CRTAC1: variants seen among roughly 807,000 people sequenced by gnomAD.
The protein encoded by CRTAC1 is acidic secreted protein in cartilage.
CRTAC1 carries 37 observed loss-of-function variants against 67.8 expected under a neutral mutation model. That is an observed-to-expected ratio of 0.55 (90% confidence interval 0.42 to 0.72). CRTAC1 has a LOEUF of 0.72. Among genes scored for constraint, CRTAC1 ranks in the 30% least tolerant of loss-of-function variants. CRTAC1 has a pLI of 0.00. For missense variants in CRTAC1, 780 were observed against 931.6 expected, an observed-to-expected ratio of 0.84 and a Z score of 2.12; for synonymous variants, 348 against 371.0, an observed-to-expected ratio of 0.94 and a Z score of 0.71.
chr10:97,997,015 C>T (rs1283368106), intron 2 of CRTAC1, among the ~76,000 whole-genome samples: 1 of 137,376 alleles, frequency 7.3e-6, no homozygotes, highest in Non-Finnish European at 1.5e-5. Context: ...TGTTCTCACT[C>T]ATAAGTGGGA....
At chr10:97,916,573 C>T (rs2050761706) in intron 5 of CRTAC1, among the ~76,000 whole-genome samples, 1 of 152,076 alleles carries the variant, frequency 6.6e-6, no homozygotes, top group Non-Finnish European at 1.5e-5. Context: ...GGGTGGTACC[C>T]CAAAGGACCC....
chr10:97,966,840 A>G (rs183908891), intron 2 of CRTAC1, among the ~76,000 whole-genome samples: 17 of 152,174 alleles, frequency 1.1e-4, no homozygotes, highest in Non-Finnish European at 1.9e-4. Context: ...GACTGGGGTT[A>G]GTGGGTTTTT....
chr10:97,978,842 T>C (rs776955768), intron 2 of CRTAC1, among the ~76,000 whole-genome samples: 5 of 152,200 alleles, frequency 3.3e-5, no homozygotes, highest in Admixed American at 6.5e-5. Flanking sequence ...GGTGGTTCCT[T>C]ACAAGATTTC....
intron 2 of CRTAC1, among the ~76,000 whole-genome samples, chr10:97,995,898 C>T (rs1462791264): frequency 6.6e-6 from 1 of 152,136 alleles, no homozygotes; most frequent in Admixed American, 6.5e-5. Context: ...CAGTGGCTCA[C>T]ATCTGTAATC....
chr10:98,026,707 T>C (rs980154848), intron 1 of CRTAC1, among the ~76,000 whole-genome samples: 10 of 152,118 alleles, frequency 6.6e-5, no homozygotes, highest in Non-Finnish European at 1.3e-4. Context: ...CTCAAGCATC[T>C]TCCCTGGCAA....
intron 3 of CRTAC1, among the ~76,000 whole-genome samples, chr10:97,925,368 G>A (rs2050897387): frequency 6.6e-6 from 1 of 151,982 alleles, no homozygotes; most frequent in Non-Finnish European, 1.5e-5. Flanking sequence ...CAATGGCTGA[G>A]AATGAGTGTG....
chr10:98,001,332 C>A (rs1241527687), intron 2 of CRTAC1, among the ~76,000 whole-genome samples: 1 of 152,072 alleles, frequency 6.6e-6, no homozygotes, highest in African/African-American at 2.4e-5. Flanking sequence ...ATTATTCTAC[C>A]TTTTACCATC....
chr10:97,947,173 T>C (rs2051279194), intron 2 of CRTAC1, among the ~76,000 whole-genome samples: 1 of 152,114 alleles, frequency 6.6e-6, no homozygotes, highest in Non-Finnish European at 1.5e-5. Flanking sequence ...AAAAGATAAG[T>C]CAGGCATTGA....
chr10:97,940,957 G>A (rs1036607456), intron 2 of CRTAC1, among the ~76,000 whole-genome samples: 4 of 152,008 alleles, frequency 2.6e-5, no homozygotes, highest in African/African-American at 2.4e-5. Flanking sequence ...CAAACATCCC[G>A]CCCTCGGTAG....
chr10:98,018,357 T>C (rs1304234346), intron 1 of CRTAC1, among the ~76,000 whole-genome samples: 2 of 152,084 alleles, frequency 1.3e-5, no homozygotes, highest in East Asian at 1.9e-4. Flanking sequence ...TCCTCATCTG[T>C]ACCATGGAGA....
chr10:97,962,872 T>C (rs1260258863), intron 2 of CRTAC1, among the ~76,000 whole-genome samples: 1 of 148,872 alleles, frequency 6.7e-6, no homozygotes, highest in Admixed American at 6.7e-5. Context: ...AGGAAAAGAA[T>C]AGCAAAAAAA....
intron 7 of CRTAC1, among the ~76,000 whole-genome samples, chr10:97,903,001 C>A (rs146881466): frequency 6.6e-6 from 1 of 151,846 alleles, no homozygotes; most frequent in African/African-American, 2.4e-5. Flanking sequence ...TCCCATAGCC[C>A]CCTTGGGGTT....
intron 2 of CRTAC1, among the ~76,000 whole-genome samples, chr10:97,974,805 G>T (rs2051771531): frequency 6.6e-6 from 1 of 152,176 alleles, no homozygotes; most frequent in South Asian, 2.1e-4. Flanking sequence ...TAGGAAAAAA[G>T]ACCCCTTTCT....
intron 2 of CRTAC1, among the ~76,000 whole-genome samples, chr10:97,990,116 G>T (rs1842415243): frequency 6.6e-6 from 1 of 152,200 alleles, no homozygotes; most frequent in African/African-American, 2.4e-5. Context: ...AATGGTAGCT[G>T]TACTAGCATC....
chr10:97,970,585 C>A (rs1157537080), intron 2 of CRTAC1, among the ~76,000 whole-genome samples: 2 of 152,220 alleles, frequency 1.3e-5, no homozygotes, highest in Admixed American at 6.5e-5. Context: ...CACAGGGCTC[C>A]CTCCCTCGGG....
intron 11 of CRTAC1, among the ~76,000 whole-genome samples, chr10:97,889,335 G>T (rs2050331723): frequency 2.0e-5 from 3 of 152,098 alleles, no homozygotes; most frequent in Admixed American, 2.0e-4. Flanking sequence ...AACCAGGTTG[G>T]CGGTGGGGGA....
At chr10:98,024,130 T>C (rs1843175864) in intron 1 of CRTAC1, among the ~76,000 whole-genome samples, 1 of 152,224 alleles carries the variant, frequency 6.6e-6, no homozygotes, top group Non-Finnish European at 1.5e-5. Flanking sequence ...TGAAGGCTGA[T>C]GTAAGGAAAG....
At chr10:97,913,453 A>G (rs1029395805) in intron 5 of CRTAC1, among the ~76,000 whole-genome samples, 2 of 152,200 alleles carry the variant, frequency 1.3e-5, no homozygotes, top group Admixed American at 6.5e-5. Context: ...GCACTGGCAA[A>G]GCCTGGGGGT....
intron 2 of CRTAC1, among the ~76,000 whole-genome samples, chr10:97,990,497 C>T (rs1423613362): frequency 6.6e-6 from 1 of 152,170 alleles, no homozygotes; most frequent in Admixed American, 6.5e-5. Flanking sequence ...CCTTTCCAAC[C>T]CCATTTTGTT....
Sources: allele counts gnomAD v4.1 joint callset (sites outside exome capture counted in the v4.1 genomes callset), GRCh38; gene constraint gnomAD v4.1.1; transcripts MANE v1.5; gene names NCBI Gene and HGNC (gene_info 2026-07-23, HGNC 2026-07-21).